The following IGBP1C variants were observed in gnomAD, a reference collection of about 807,000 sequenced individuals.
IGBP1C encodes the protein immunoglobulin-binding protein 1 family member C.
the IGBP1C span, among the ~76,000 whole-genome samples, chr17:58,669,590 C>T: frequency 1.3e-5 from 2 of 151,522 alleles, no homozygotes; most frequent in African/African-American, 4.8e-5. Flanking sequence ...AAAAATTAGC[C>T]AGGTGTGGTG....
chr17:58,664,250 TG>T, the IGBP1C span, among the ~76,000 whole-genome samples: 6 of 152,348 alleles, frequency 3.9e-5, no homozygotes, highest in East Asian at 1.2e-3. Context: ...TGGCTTTCAA[TG>T]GTATCCATGA....
At chr17:58,665,054 T>C in the IGBP1C span, among the ~76,000 whole-genome samples, 1 of 152,150 alleles carries the variant, frequency 6.6e-6, no homozygotes, top group African/African-American at 2.4e-5. Flanking sequence ...AACTTTAAAA[T>C]AAGGAAACAG....
At chr17:58,669,297 A>G in the IGBP1C span, among the ~76,000 whole-genome samples, 1 of 151,638 alleles carries the variant, frequency 6.6e-6, no homozygotes, top group African/African-American at 2.4e-5. Context: ...GGTTGCAGTG[A>G]GCCGAGATCA....
chr17:58,666,943 G>T, the IGBP1C span, among the ~76,000 whole-genome samples: 1 of 152,126 alleles, frequency 6.6e-6, no homozygotes, highest in South Asian at 2.1e-4. Flanking sequence ...GGCCTGGCTG[G>T]TCAGAGAGCG....
the IGBP1C span, chr17:58,666,672 C>T: frequency 7.9e-5 from 12 of 152,306 alleles, no homozygotes; most frequent in East Asian, 2.3e-3. Context: ...TCCATAATCA[C>T]AGTATTTCTC....
chr17:58,667,483 A>G, the IGBP1C span, among the ~76,000 whole-genome samples: 1 of 152,246 alleles, frequency 6.6e-6, no homozygotes, highest in African/African-American at 2.4e-5. Context: ...CTAACAGCTA[A>G]CATCTACTGT....
the IGBP1C span, among the ~76,000 whole-genome samples, chr17:58,684,010 A>T: frequency 6.6e-6 from 1 of 152,114 alleles, no homozygotes. Context: ...GGTTGCAGTG[A>T]GCCGAGATGG....
At chr17:58,687,480 GT>G in the IGBP1C span, among the ~76,000 whole-genome samples, 1 of 151,912 alleles carries the variant, frequency 6.6e-6, no homozygotes, top group Non-Finnish European at 1.5e-5. Context: ...ACAGAATCGG[GT>G]GCTCTACCCA....
the IGBP1C span, among the ~76,000 whole-genome samples, chr17:58,663,422 CAAAA>C: frequency 1.7e-5 from 1 of 57,844 alleles, no homozygotes; most frequent in Non-Finnish European, 3.5e-5. Flanking sequence ...AACTCCGTCT[CAAAA>C]AAAAAAAAAA....
At chr17:58,687,979 T>G in the IGBP1C span, among the ~76,000 whole-genome samples, 1 of 152,350 alleles carries the variant, frequency 6.6e-6, no homozygotes, top group African/African-American at 2.4e-5. Flanking sequence ...AATCAATATT[T>G]AATCTTGTTT....
the IGBP1C span, among the ~76,000 whole-genome samples, chr17:58,668,103 C>T: frequency 6.6e-6 from 1 of 152,058 alleles, no homozygotes; most frequent in African/African-American, 2.4e-5. Flanking sequence ...ATCTGATCAC[C>T]CCAGCCTGTC....
At chr17:58,664,314 T>A in the IGBP1C span, among the ~76,000 whole-genome samples, 1 of 152,190 alleles carries the variant, frequency 6.6e-6, no homozygotes, top group African/African-American at 2.4e-5. Context: ...TGCCCCCTCA[T>A]GGCTCTGATA....
the IGBP1C span, among the ~76,000 whole-genome samples, chr17:58,684,744 G>T: frequency 2.0e-5 from 3 of 152,234 alleles, no homozygotes; most frequent in East Asian, 5.8e-4. Context: ...GGAGGCAGAG[G>T]TGGGCAGATC....
chr17:58,664,749 A>G, the IGBP1C span, among the ~76,000 whole-genome samples: 1 of 152,340 alleles, frequency 6.6e-6, no homozygotes, highest in Non-Finnish European at 1.5e-5. Flanking sequence ...TAAAAATGCT[A>G]TCTTATGACT....
At chr17:58,672,142 C>T in the IGBP1C span, among the ~76,000 whole-genome samples, 8 of 152,232 alleles carry the variant, frequency 5.3e-5, no homozygotes, top group East Asian at 9.6e-4. Flanking sequence ...ATAGGTTTCA[C>T]GCTCCTATGA....
At chr17:58,673,032 G>A in the IGBP1C span, among the ~76,000 whole-genome samples, 3 of 151,838 alleles carry the variant, frequency 2.0e-5, no homozygotes, top group African/African-American at 4.8e-5. Flanking sequence ...ACGCTCAGCC[G>A]GCATTCCTTT....
the IGBP1C span, among the ~76,000 whole-genome samples, chr17:58,691,743 A>C: frequency 6.9e-4 from 104 of 151,468 alleles, 2 homozygotes; most frequent in South Asian, 0.015. Context: ...TCACCTAGGC[A>C]AGGAAGGAAC....
the IGBP1C span, among the ~76,000 whole-genome samples, chr17:58,683,052 C>CAAAAAAAAAAAAAA: frequency 2.2e-4 from 12 of 54,044 alleles, no homozygotes; most frequent in African/African-American, 8.2e-4. Context: ...GAGTCTGTCT[C>CAAAAAAAAAAAAAA]AAAAAAAAAA....
At chr17:58,688,642 A>G in the IGBP1C span, among the ~76,000 whole-genome samples, 1 of 152,278 alleles carries the variant, frequency 6.6e-6, no homozygotes, top group South Asian at 2.1e-4. Context: ...GCAGGTGAGG[A>G]GACTGAGTAA....
Sources: gnomAD v4.1 joint callset for allele counts (sites outside exome capture counted in the v4.1 genomes callset) on GRCh38, gnomAD v4.1.1 for gene constraint, MANE v1.5 for transcripts, NCBI Gene and HGNC (gene_info 2026-07-23, HGNC 2026-07-21) for gene names.